CRYBG1: variants seen among roughly 807,000 people sequenced by gnomAD.
The protein encoded by CRYBG1 is beta/gamma crystallin domain-containing protein 1.
A neutral mutation model predicts 189.2 loss-of-function variants in CRYBG1; 139 were observed. That is an observed-to-expected ratio of 0.73 (90% CI 0.64 to 0.85). The LOEUF (loss-of-function observed/expected upper bound fraction) is 0.85, where lower values mean the gene tolerates loss of function less well. Among genes scored for constraint, CRYBG1 ranks in the 40% least tolerant of loss-of-function variants. The pLI is 0.00. For synonymous variants in CRYBG1, 1,023 were observed against 1,017.1 expected (o/e 1.01, Z -0.11); for missense variants, 2,611 against 2,675.8 (o/e 0.98, Z 0.53).
At chr6:106,431,132 G>C (rs1180641291) in intron 1 of CRYBG1, among the ~76,000 whole-genome samples, 1 of 152,128 alleles carries the variant, frequency 6.6e-6, no homozygotes, top group Non-Finnish European at 1.5e-5. Flanking sequence ...AAAGTGCTGG[G>C]ATTACAGACT....
chr6:106,376,519 C>G (rs1770165770), intron 1 of CRYBG1, among the ~76,000 whole-genome samples: 1 of 152,132 alleles, frequency 6.6e-6, no homozygotes, highest in South Asian at 2.1e-4. Context: ...GGAGGTCAGG[C>G]TGGAGTTAGG....
At chr6:106,557,797 A>C (rs1774590378) in intron 17 of CRYBG1, among the ~76,000 whole-genome samples, 1 of 152,224 alleles carries the variant, frequency 6.6e-6, no homozygotes, top group Admixed American at 6.5e-5. Context: ...ATTAATGTAG[A>C]ATCAAAAGTG....
chr6:106,436,705 C>T (rs1771467693), intron 1 of CRYBG1, among the ~76,000 whole-genome samples: 1 of 152,042 alleles, frequency 6.6e-6, no homozygotes, highest in African/African-American at 2.4e-5. Context: ...TTAGTCATTA[C>T]CTGAATGGGT....
chr6:106,414,790 C>T (rs1253191902), intron 1 of CRYBG1, among the ~76,000 whole-genome samples: 1 of 152,128 alleles, frequency 6.6e-6, no homozygotes, highest in Non-Finnish European at 1.5e-5. Flanking sequence ...ATCACTTTCT[C>T]TGCAGGCAAA....
chr6:106,544,534 C>T, intron 11 of CRYBG1, 37 bp from the exon 12 acceptor site: 1 of 1,601,896 alleles, frequency 6.2e-7, no homozygotes, highest in Non-Finnish European at 8.5e-7. Context: ...GTTAACATGT[C>T]TGGAAATGAC....
intron 2 of CRYBG1, among the ~76,000 whole-genome samples, chr6:106,510,259 G>A (rs183810634): frequency 6.6e-6 from 1 of 152,300 alleles, no homozygotes; most frequent in Admixed American, 6.5e-5. Flanking sequence ...GCCAGGCTGG[G>A]CTCGCCGCCC....
chr6:106,437,529 T>C (rs904474072), intron 1 of CRYBG1, among the ~76,000 whole-genome samples: 1 of 152,192 alleles, frequency 6.6e-6, no homozygotes, highest in African/African-American at 2.4e-5. Context: ...CTCAAATTCC[T>C]GGGGTCAAGC....
At chr6:106,491,159 G>T (rs1772714187) in intron 2 of CRYBG1, among the ~76,000 whole-genome samples, 1 of 152,192 alleles carries the variant, frequency 6.6e-6, no homozygotes, top group Non-Finnish European at 1.5e-5. Context: ...TCGTGTCAGA[G>T]CAGTTATTGC....
intron 3 of CRYBG1, among the ~76,000 whole-genome samples, chr6:106,517,315 C>CATATAT (rs111258799): frequency 0.11 from 14,946 of 136,112 alleles, 1,436 homozygotes; most frequent in African/African-American, 0.25. Context: ...CACACACACA[C>CATATAT]ACATATATAT....
intron 2 of CRYBG1, among the ~76,000 whole-genome samples, chr6:106,464,158 G>A (rs2114457078): frequency 6.6e-6 from 1 of 152,282 alleles, no homozygotes. Context: ...CACTGGGCCT[G>A]TCTAATCGAA....
intron 2 of CRYBG1, among the ~76,000 whole-genome samples, chr6:106,502,521 T>G (rs573142416): frequency 6.6e-6 from 1 of 152,342 alleles, no homozygotes; most frequent in South Asian, 2.1e-4. Context: ...TCTATCTCCT[T>G]TTAATTACAC....
chr6:106,365,578 A>G (rs1401458814), intron 1 of CRYBG1, among the ~76,000 whole-genome samples: 1 of 151,226 alleles, frequency 6.6e-6, no homozygotes, highest in Non-Finnish European at 1.5e-5. Flanking sequence ...GTGAGCCACC[A>G]CATGTGGCCA....
intron 1 of CRYBG1, among the ~76,000 whole-genome samples, chr6:106,397,231 T>G (rs555999466): frequency 1.3e-5 from 2 of 152,358 alleles, no homozygotes; most frequent in East Asian, 3.9e-4. Flanking sequence ...TCAAACATAT[T>G]TATCACCTCA....
chr6:106,389,691 G>A (rs1289584319), intron 1 of CRYBG1, among the ~76,000 whole-genome samples: 1 of 152,016 alleles, frequency 6.6e-6, no homozygotes, highest in Non-Finnish European at 1.5e-5. Flanking sequence ...ATATATGTTA[G>A]CTGGGTACTT....
At chr6:106,518,975 G>GCACACA (rs377748036) in intron 3 of CRYBG1, among the ~76,000 whole-genome samples, 156 bp from the exon 4 acceptor site, 7,950 of 134,174 alleles carry the variant, frequency 0.059, 343 homozygotes, top group African/African-American at 0.13. Flanking sequence ...ACATGTGTGC[G>GCACACA]CACACACACA....
At chr6:106,528,919 GT>G (rs1294724843) in intron 7 of CRYBG1, among the ~76,000 whole-genome samples, 2 of 150,526 alleles carry the variant, frequency 1.3e-5, no homozygotes, top group Non-Finnish European at 3.0e-5. Flanking sequence ...CCACGAGAAT[GT>G]TTTTGTGCAT....
At chr6:106,426,563 T>C (rs896438623) in intron 1 of CRYBG1, among the ~76,000 whole-genome samples, 1 of 152,166 alleles carries the variant, frequency 6.6e-6, no homozygotes, top group Non-Finnish European at 1.5e-5. Flanking sequence ...GCCTAATTAA[T>C]GACACTCTTT....
At chr6:106,425,554 A>C (rs1244580562) in intron 1 of CRYBG1, among the ~76,000 whole-genome samples, 7 of 152,200 alleles carry the variant, frequency 4.6e-5, no homozygotes, top group Admixed American at 1.3e-4. Context: ...TGACATATGC[A>C]GTTCACTAAC....
At chr6:106,472,605 T>C (rs1488348462) in intron 2 of CRYBG1, among the ~76,000 whole-genome samples, 2 of 146,266 alleles carry the variant, frequency 1.4e-5, no homozygotes, top group East Asian at 2.1e-4. Context: ...TATTGAAAAG[T>C]ATATTCTGGC....
Sources: allele counts gnomAD v4.1 joint callset (sites outside exome capture counted in the v4.1 genomes callset), GRCh38; gene constraint gnomAD v4.1.1; transcripts MANE v1.5; gene names NCBI Gene and HGNC (gene_info 2026-07-23, HGNC 2026-07-21).